The following RBPMS variants were observed in gnomAD, a reference collection of about 807,000 sequenced individuals.
The protein encoded by RBPMS is RNA binding protein, mRNA processing factor.
In RBPMS, 7 loss-of-function variants were observed where a neutral mutation model predicts 26.8. The ratio of observed to expected loss-of-function variants is 0.26; its 90% CI spans 0.15 to 0.49. The LOEUF is 0.49. Ranked by LOEUF, RBPMS falls within the 20% of genes least tolerant of loss-of-function variation. RBPMS has a pLI of 0.98. For synonymous variants in RBPMS, 96 were observed against 93.3 expected (o/e 1.03, Z -0.17); for missense variants, 186 against 250.0 (o/e 0.74, Z 1.73).
chr8:30,550,371 T>C (rs552800914), intron 6 of RBPMS, among the ~76,000 whole-genome samples: 1 of 152,296 alleles, frequency 6.6e-6, no homozygotes, highest in South Asian at 2.1e-4. Flanking sequence ...CAATAATCCT[T>C]CACATAAACA....
chr8:30,554,960 G>A (rs542569881), intron 6 of RBPMS, among the ~76,000 whole-genome samples: 59 of 152,282 alleles, frequency 3.9e-4, no homozygotes, highest in African/African-American at 1.3e-3. Flanking sequence ...CTGCAGAAGG[G>A]TTGGTACTTC....
intron 4 of RBPMS, among the ~76,000 whole-genome samples, chr8:30,480,547 G>C (rs1437248957): frequency 6.6e-6 from 1 of 152,144 alleles, no homozygotes; most frequent in Non-Finnish European, 1.5e-5. Context: ...AACATCTTAG[G>C]ATTCCAGGAA....
At chr8:30,458,159 G>A (rs1170957818) in intron 1 of RBPMS, among the ~76,000 whole-genome samples, 1 of 152,022 alleles carries the variant, frequency 6.6e-6, no homozygotes, top group East Asian at 1.9e-4. Flanking sequence ...TAATGTTTAG[G>A]GAATGATGAC....
chr8:30,421,599 GATA>G (rs768919975), intron 1 of RBPMS, among the ~76,000 whole-genome samples: 1 of 152,104 alleles, frequency 6.6e-6, no homozygotes, highest in Non-Finnish European at 1.5e-5. Flanking sequence ...ATGTGCCAAG[GATA>G]ATGTCATATC....
At chr8:30,514,841 T>C (rs1415136232) in intron 5 of RBPMS, among the ~76,000 whole-genome samples, 1 of 151,338 alleles carries the variant, frequency 6.6e-6, no homozygotes, top group African/African-American at 2.4e-5. Context: ...AATGAATTTT[T>C]AAATTGCCTA....
intron 1 of RBPMS, among the ~76,000 whole-genome samples, chr8:30,460,924 A>G (rs1339068568): frequency 6.6e-6 from 1 of 151,926 alleles, no homozygotes. Flanking sequence ...GGTGGCATAT[A>G]CTTGTGGTCC....
chr8:30,410,550 A>G (rs1462321828), intron 1 of RBPMS, among the ~76,000 whole-genome samples: 1 of 149,724 alleles, frequency 6.7e-6, no homozygotes, highest in African/African-American at 2.4e-5. Flanking sequence ...TAAAATATAT[A>G]TATAGGTGTG....
chr8:30,569,953 G>A (rs1214930936), intron 8 of RBPMS, among the ~76,000 whole-genome samples: 1 of 152,208 alleles, frequency 6.6e-6, no homozygotes, highest in Non-Finnish European at 1.5e-5. Context: ...GCCCACTGTG[G>A]AAAGCTCTGC....
intron 5 of RBPMS, among the ~76,000 whole-genome samples, chr8:30,534,256 T>C (rs888425833): frequency 4.6e-5 from 7 of 152,226 alleles, no homozygotes; most frequent in Non-Finnish European, 7.3e-5. Flanking sequence ...TCCCTCTACC[T>C]ATAAGCTGTA....
chr8:30,509,137 G>C (rs1284440916), intron 5 of RBPMS, among the ~76,000 whole-genome samples: 1 of 151,998 alleles, frequency 6.6e-6, no homozygotes, highest in Non-Finnish European at 1.5e-5. Flanking sequence ...AAGCTCTTTG[G>C]GTAGTTTTGA....
chr8:30,494,078 C>G (rs1302431820), intron 4 of RBPMS, among the ~76,000 whole-genome samples: 1 of 152,182 alleles, frequency 6.6e-6, no homozygotes, highest in Non-Finnish European at 1.5e-5. Context: ...GGAATCCAGT[C>G]TCTGCAATTA....
rs1347741387 is a variant in RBPMS, at chr8:30,544,500, T to C, written c.404T>C (p.Leu135Pro). Residue 135 changes from leucine (L) to proline (P), a missense_variant, in exon 6 of 9, where the codon CTC becomes CCC. Coordinates refer to ENST00000397323, the MANE Select transcript of RBPMS (RefSeq NM_001008710.3). Reference protein sequence around the residue: ...PQFIAREPYELTVPALYPSSP... With the variant: ...PQFIAREPYEPTVPALYPSSP... ...CCTTATTCTTTTCTTGCAGATGAGC[T>C]CACAGTGCCTGCACTTTACCCCAGT... is the stretch of plus-strand genomic sequence containing the variant. 6.2e-7 allele frequency: 1 copy of C among 1,614,008 alleles called. No individual in the cohort carries two copies. The highest frequency in any genetic ancestry group is 8.5e-7 in the Non-Finnish European group (1 of 1,179,866).
At chr8:30,482,834 C>T (rs1293832941) in intron 4 of RBPMS, among the ~76,000 whole-genome samples, 1 of 152,070 alleles carries the variant, frequency 6.6e-6, no homozygotes, top group African/African-American at 2.4e-5. Flanking sequence ...TTTGAATTTC[C>T]AAGCTAAAGG....
intron 4 of RBPMS, among the ~76,000 whole-genome samples, chr8:30,499,402 A>C (rs1047332973): frequency 1.3e-5 from 2 of 152,244 alleles, no homozygotes; most frequent in African/African-American, 4.8e-5. Flanking sequence ...ATATTTATAT[A>C]GTCTGGAAAT....
At chr8:30,544,917 C>T in intron 6 of RBPMS, 2 of 1,479,662 alleles carry the variant, frequency 1.4e-6, no homozygotes, top group Non-Finnish European at 1.8e-6. Context: ...CCACCTGGCT[C>T]CCAGCTAGCT....
chr8:30,540,482 G>T (rs1299751699), intron 5 of RBPMS, among the ~76,000 whole-genome samples: 2 of 152,160 alleles, frequency 1.3e-5, no homozygotes, highest in African/African-American at 4.8e-5. Context: ...AAGTGTAGTG[G>T]CACAGTCAGA....
At chr8:30,412,748 A>G (rs1246233998) in intron 1 of RBPMS, among the ~76,000 whole-genome samples, 1 of 152,138 alleles carries the variant, frequency 6.6e-6, no homozygotes. Context: ...TTTTTTTTAA[A>G]CCAATGAATT....
At chr8:30,468,685 A>C (rs551192387) in intron 1 of RBPMS, among the ~76,000 whole-genome samples, 1 of 152,312 alleles carries the variant, frequency 6.6e-6, no homozygotes, top group East Asian at 1.9e-4. Context: ...TGTGTTATAC[A>C]CTACAAATAA....
At position 30,528,110 on chromosome 8, in the gene RBPMS, G is replaced by A. The variant is rs1823792100; in HGVS notation, c.398-16384G>A. On this transcript the variant is annotated intron_variant, in intron 5 of 8. Coordinates refer to ENST00000397323, the MANE Select transcript of RBPMS (RefSeq NM_001008710.3). ...GAATCGCTTGAACCCGGGAGGCAGA[G>A]GTTGCAGTGAGCCGAGATCGCGCCA... Among the ~76,000 whole-genome samples, 3 of 152,110 alleles carry A rather than the reference G, an allele frequency of 2.0e-5. No individual in the cohort carries two copies. The South Asian group carries it at 6.2e-4, about 32-fold the overall frequency.
Sources: gnomAD v4.1 joint callset for allele counts (sites outside exome capture counted in the v4.1 genomes callset) on GRCh38, gnomAD v4.1.1 for gene constraint, MANE v1.5 for transcripts, NCBI Gene and HGNC (gene_info 2026-07-23, HGNC 2026-07-21) for gene names.